Variants in MED31 observed in about 807,000 individuals in gnomAD.
MED31 encodes mediator complex subunit 31, also known as mediator of RNA polymerase II transcription subunit 31.
Under a neutral mutation model 22.0 loss-of-function variants are expected in MED31, and 11 were observed. The ratio of observed to expected loss-of-function variants is 0.50; its 90% CI spans 0.31 to 0.83. MED31 has a LOEUF of 0.83. Among genes scored for constraint, MED31 ranks in the 40% least tolerant of loss-of-function variants. The pLI, the probability that MED31 is intolerant of heterozygous loss-of-function variation, is 0.04. For missense variants in MED31, 122 were observed against 155.3 expected, an observed-to-expected ratio of 0.79 and a Z score of 1.14; for synonymous variants, 60 against 55.1, an observed-to-expected ratio of 1.09 and a Z score of -0.40.
At chr17:6,646,286 CTT>C (rs1320576977) in intron 3 of MED31, among the ~76,000 whole-genome samples, 5 of 152,276 alleles carry the variant, frequency 3.3e-5, no homozygotes, top group African/African-American at 1.2e-4. Context: ...CAGGAATTAT[CTT>C]TACTATTTTT....
chr17:6,645,444 T>C (rs1041250577), intron 3 of MED31, among the ~76,000 whole-genome samples: 1 of 152,186 alleles, frequency 6.6e-6, no homozygotes, highest in African/African-American at 2.4e-5. Flanking sequence ...GACTGTGGTT[T>C]CCAAGGAGCA....
Position 6,651,572 on chromosome 17 carries a change from AG to A in MED31, c.-45del, listed in dbSNP as rs765054094. The A allele has an allele frequency of 7.4e-6, 12 of 1,613,172 alleles. No homozygotes were observed. Among genetic ancestry groups the A allele is most frequent in the Non-Finnish European group, 9.3e-6 (11 of 1,179,600 alleles). ...AACGCCACCAGCCTGACAGAGCAAAAGCCCAGAGACGCGGGCGAAGTTCCGG... is the reference window on the plus strand; with the variant it reads ...AACGCCACCAGCCTGACAGAGCAAAACCCAGAGACGCGGGCGAAGTTCCGG... On this transcript the variant is annotated 5_prime_UTR_variant, in exon 1 of 4. Transcript: ENST00000225728.
rs1363405166 is a variant in MED31 at position 6,644,354 on chromosome 17, T to C, written c.*113A>G. The C allele has an allele frequency of 6.9e-6, 9 of 1,297,626 alleles. No homozygotes were observed. In the African/African-American group the frequency reaches 9.0e-5, roughly 13 times the overall value. 80.4% of individuals were successfully genotyped at this position (1,297,626 alleles called of 1,614,324 possible). A position where few individuals can be genotyped will look rare whatever the true frequency, so the allele number is the denominator to read the frequency against. ...GGATGAAAAAGCACACTAAAGGTTC[T>C]AGGGGCTACCATAATAAAGGTAGAT... On this transcript the variant is annotated 3_prime_UTR_variant, in exon 4 of 4. Coordinates refer to ENST00000225728, the MANE Select transcript of MED31 (RefSeq NM_016060.3).
At chr17:6,649,636 G>A (rs1972807022) in intron 3 of MED31, among the ~76,000 whole-genome samples, 1 of 152,210 alleles carries the variant, frequency 6.6e-6, no homozygotes, top group Non-Finnish European at 1.5e-5. Context: ...AAAAAGACTG[G>A]ATTTTATTCT....
intron 1 of MED31, 124 bp from the exon 2 acceptor site, chr17:6,650,557 T>G: frequency 1.3e-6 from 1 of 782,340 alleles, no homozygotes; most frequent in Non-Finnish European, 2.0e-6. Context: ...AAACTAGGAG[T>G]GGGAGGAGAT....
intron 3 of MED31, among the ~76,000 whole-genome samples, chr17:6,647,050 G>A (rs1343065140): frequency 6.6e-6 from 1 of 152,216 alleles, no homozygotes; most frequent in Non-Finnish European, 1.5e-5. Context: ...TCTAGCCTAT[G>A]TGCACATCCA....
chr17:6,646,479 T>C (rs1972769040), intron 3 of MED31, among the ~76,000 whole-genome samples: 1 of 152,200 alleles, frequency 6.6e-6, no homozygotes, highest in Non-Finnish European at 1.5e-5. Context: ...TTGTTCTGCT[T>C]TGAGATGCTG....
Position 6,644,313 on chromosome 17 carries a change from TTAACAA to T in MED31, c.*148_*153del. The stretch of plus-strand genomic sequence containing the variant: ...ATTCAGGTTTAACAGAAATAGTCTA[TTAACAA>T]TAAAAAGTTGGATGAAAAAGCACAC... On this transcript the variant is annotated 3_prime_UTR_variant, in exon 4 of 4. Transcript: ENST00000225728. 2 of 785,620 alleles carry T rather than the reference TTAACAA, an allele frequency of 2.5e-6. No homozygotes were observed. Among genetic ancestry groups the T allele is most frequent in the Non-Finnish European group, 3.7e-6 (2 of 542,006 alleles). 48.7% of individuals were successfully genotyped at this position (785,620 alleles called of 1,614,324 possible). A position where few individuals can be genotyped will look rare whatever the true frequency, so the allele number is the denominator to read the frequency against.
At chr17:6,649,812 G>T in intron 3 of MED31, 170 bp downstream of exon 3, 1 of 603,714 alleles carries the variant, frequency 1.7e-6, no homozygotes, top group Non-Finnish European at 2.5e-6. Flanking sequence ...AGATAACCAG[G>T]GAGTAGATTA....
At position 6,648,756 on chromosome 17, in the gene MED31, T is replaced by C. The variant is rs112824420; in HGVS notation, c.203+1226A>G. 4.4e-3 allele frequency among the ~76,000 whole-genome samples: 674 copies of C among 152,292 alleles called. 3 individuals carry two copies. Among genetic ancestry groups the C allele is most frequent in the African/African-American group, 0.015 (606 of 41,562 alleles). On this transcript the variant is annotated intron_variant, in intron 3 of 3. Transcript: ENST00000225728. ...AGACTGGGGCTACAAGGAGGTACATTATATCACAATATAAGGAAGAACTTT... is the reference window on the plus strand; with the variant it reads ...AGACTGGGGCTACAAGGAGGTACATCATATCACAATATAAGGAAGAACTTT...
intron 3 of MED31, among the ~76,000 whole-genome samples, chr17:6,646,551 G>T (rs1972769848): frequency 6.6e-6 from 1 of 152,208 alleles, no homozygotes; most frequent in Admixed American, 6.5e-5. Flanking sequence ...TTGAATCAAG[G>T]TTTAATGGAT....
Position 6,643,849 on chromosome 17 carries a change from G to GAGT in MED31, c.*615_*617dup. ...CTCCTCATGTTTGTTCTAAAGTCAA[G>GAGT]AGTCCAGTTAGTAACTAACCACTAG... On this transcript the variant is annotated 3_prime_UTR_variant, in exon 4 of 4. Transcript: ENST00000225728. 1 of 354,190 alleles carries GAGT rather than the reference G, an allele frequency of 2.8e-6. No homozygotes were observed. Among genetic ancestry groups the GAGT allele is most frequent in the Admixed American group, 4.7e-5 (1 of 21,452 alleles). 21.9% of individuals were successfully genotyped at this position (354,190 alleles called of 1,614,324 possible).
At chr17:6,650,169 C>A in intron 2 of MED31, 91 bp from the exon 3 acceptor site, 1 of 1,293,010 alleles carries the variant, frequency 7.7e-7, no homozygotes, top group Non-Finnish European at 1.1e-6. Context: ...ATTTACATAA[C>A]ACCCCCACCA....
In MED31 at chr17:6,650,411, CCGAAGT is replaced by C; in HGVS notation, c.45_50del (p.Leu16_Arg17del). On this transcript the variant is annotated inframe_deletion, in exon 2 of 4. Transcript: ENST00000225728. ...GCACAAATTCCAACTCCAACTGAAA[CCGAAGT>C]CGATTTCCAGCATCATCTAGGAGAC... 1 of 1,614,040 alleles carries C rather than the reference CCGAAGT, an allele frequency of 6.2e-7. No homozygotes were observed. Among genetic ancestry groups the C allele is most frequent in the Non-Finnish European group, 8.5e-7 (1 of 1,179,988 alleles).
intron 3 of MED31, among the ~76,000 whole-genome samples, chr17:6,647,339 G>A (rs934200084): frequency 3.9e-5 from 6 of 152,238 alleles, no homozygotes; most frequent in African/African-American, 1.4e-4. Flanking sequence ...ACCCACAGGT[G>A]TGGAGGGGCA....
intron 3 of MED31, 33 bp from the exon 4 acceptor site, chr17:6,644,692 T>A (rs1322138218): frequency 6.6e-7 from 1 of 1,514,470 alleles, no homozygotes; most frequent in Non-Finnish European, 8.8e-7. Context: ...ATGAACAACA[T>A]AATTTAGGTA....
chr17:6,644,798 G>T, intron 3 of MED31, 139 bp from the exon 4 acceptor site: 1 of 1,032,982 alleles, frequency 9.7e-7, no homozygotes. Context: ...GTAGCATAGG[G>T]TTTTTTCCCC....
At chr17:6,646,947 A>G (rs1310179952) in intron 3 of MED31, among the ~76,000 whole-genome samples, 1 of 152,248 alleles carries the variant, frequency 6.6e-6, no homozygotes, top group African/African-American at 2.4e-5. Flanking sequence ...AGATAGGAGA[A>G]AACCGCCCTG....
chr17:6,650,340 G>A lies in MED31; in HGVS notation c.106+16C>T. On this transcript the variant is annotated intron_variant, in intron 2 of 3. Coordinates refer to ENST00000225728, the MANE Select transcript of MED31 (RefSeq NM_016060.3). Reference sequence around the variant, plus strand: ...ATTAATAGCTACTCAATTTAATGAGGTGCTTAACAACTTACAATTAAGGTA... The same window carrying A: ...ATTAATAGCTACTCAATTTAATGAGATGCTTAACAACTTACAATTAAGGTA... 2 of 1,610,120 alleles carry A rather than the reference G, an allele frequency of 1.2e-6. No individual in the cohort carries two copies. The highest frequency in any genetic ancestry group is 1.1e-5 in the South Asian group (1 of 90,600).
Sources: allele counts gnomAD v4.1 joint callset (sites outside exome capture counted in the v4.1 genomes callset), GRCh38; gene constraint gnomAD v4.1.1; transcripts MANE v1.5; gene names NCBI Gene and HGNC (gene_info 2026-07-23, HGNC 2026-07-21).